The following CNTNAP2 variants were observed in gnomAD, a reference collection of about 807,000 sequenced individuals.
CNTNAP2 encodes the protein contactin associated protein 2, also known as contactin-associated protein-like 2.
Under a neutral mutation model 155.2 loss-of-function variants are expected in CNTNAP2, and 98 were observed. The ratio of observed to expected loss-of-function variants is 0.63; its 90% CI spans 0.54 to 0.75. The LOEUF is 0.75. Among genes scored for constraint, CNTNAP2 ranks in the 30% least tolerant of loss-of-function variants. CNTNAP2 has a pLI of 0.00. For synonymous variants in CNTNAP2, 651 were observed against 631.2 expected (o/e 1.03, Z -0.47); for missense variants, 1,727 against 1,688.1 (o/e 1.02, Z -0.40).
intron 13 of CNTNAP2, among the ~76,000 whole-genome samples, chr7:147,900,275 G>C (rs1182324988): frequency 3.9e-5 from 6 of 152,248 alleles, no homozygotes; most frequent in African/African-American, 1.2e-4. Flanking sequence ...GTAACCCCAT[G>C]TGTCAAGGGG....
At chr7:147,861,773 T>C (rs1004619624) in intron 13 of CNTNAP2, among the ~76,000 whole-genome samples, 2 of 152,048 alleles carry the variant, frequency 1.3e-5, no homozygotes, top group African/African-American at 4.8e-5. Flanking sequence ...CCCAGCACTT[T>C]GGGAGGCTGA....
At chr7:147,045,995 A>G (rs1584802475) in intron 4 of CNTNAP2, among the ~76,000 whole-genome samples, 1 of 152,202 alleles carries the variant, frequency 6.6e-6, no homozygotes, top group Non-Finnish European at 1.5e-5. Flanking sequence ...GCATTACCAC[A>G]GTAGATGAGA....
chr7:146,530,728 T>C (rs1451475460), intron 1 of CNTNAP2, among the ~76,000 whole-genome samples: 1 of 152,184 alleles, frequency 6.6e-6, no homozygotes, highest in Non-Finnish European at 1.5e-5. Flanking sequence ...AAATAACAGA[T>C]GCTGGTGAGG....
intron 2 of CNTNAP2, among the ~76,000 whole-genome samples, chr7:146,832,942 C>A (rs1384675334): frequency 6.6e-6 from 1 of 151,952 alleles, no homozygotes; most frequent in Admixed American, 6.6e-5. Context: ...GTGATCCACC[C>A]GCCTCGGCCT....
intron 1 of CNTNAP2, among the ~76,000 whole-genome samples, chr7:146,679,772 T>G (rs1800470087): frequency 6.6e-6 from 1 of 152,200 alleles, no homozygotes; most frequent in Admixed American, 6.5e-5. Context: ...TTCTTTTCTC[T>G]TTTGCCTGTA....
rs370895529 is a variant in CNTNAP2 at position 147,415,852 on chromosome 7, G to T, written c.1670+20072G>T. ...AACAAGTGTGAACTGATTCTACACC[G>T]GACAGGCCAAGGTGCATGGTCACCT... On this transcript the variant is annotated intron_variant, in intron 10 of 23. Coordinates refer to ENST00000361727, the MANE Select transcript of CNTNAP2 (RefSeq NM_014141.6). Among the ~76,000 whole-genome samples the T allele has an allele frequency of 1.3e-4, 20 of 152,210 alleles. No homozygotes were observed. In the South Asian group the frequency reaches 3.9e-3, roughly 30 times the overall value.
chr7:148,062,228 T>C (rs1315275821), intron 15 of CNTNAP2, among the ~76,000 whole-genome samples: 1 of 151,736 alleles, frequency 6.6e-6, no homozygotes. Flanking sequence ...AATATGCAAA[T>C]AATAATTAAA....
rs1798753799 is a variant in CNTNAP2, at chr7:148,365,984, A to ACATGTGTGTATGCATGTATG, written c.3476-17635_3476-17616dup. On this transcript the variant is annotated intron_variant, in intron 21 of 23. Coordinates refer to ENST00000361727, the MANE Select transcript of CNTNAP2 (RefSeq NM_014141.6). ...TGTATACATGTGTGTATGCATGTATACATGTGTGTATGCATGTATGCATGT... is the reference window on the plus strand; with the variant it reads ...TGTATACATGTGTGTATGCATGTATACATGTGTGTATGCATGTATGCATGTGTGTATGCATGTATGCATGT... Among the ~76,000 whole-genome samples, 2 of 1,994 alleles carry ACATGTGTGTATGCATGTATG rather than the reference A, an allele frequency of 1.0e-3. 1 individual carries two copies. Among genetic ancestry groups the ACATGTGTGTATGCATGTATG allele is most frequent in the African/African-American group, 1.2e-3 (2 of 1,640 alleles). 1.3% of individuals were successfully genotyped at this position (1,994 alleles called of 152,430 possible). A position where few individuals can be genotyped will look rare whatever the true frequency, so the allele number is the denominator to read the frequency against.
intron 22 of CNTNAP2, among the ~76,000 whole-genome samples, chr7:148,401,564 A>T (rs915409820): frequency 4.6e-5 from 7 of 152,066 alleles, no homozygotes; most frequent in African/African-American, 1.7e-4. Flanking sequence ...TGAAATACAA[A>T]ATCTGAGCAT....
At chr7:147,526,664 A>G (rs545173445) in intron 11 of CNTNAP2, among the ~76,000 whole-genome samples, 3 of 152,304 alleles carry the variant, frequency 2.0e-5, no homozygotes, top group African/African-American at 7.2e-5. Flanking sequence ...AACAGATTCT[A>G]AAATATATTT....
chr7:146,759,767 A>G (rs1585077266), intron 1 of CNTNAP2, among the ~76,000 whole-genome samples: 1 of 149,708 alleles, frequency 6.7e-6, no homozygotes, highest in South Asian at 2.1e-4. Flanking sequence ...TTATAAATGG[A>G]TGGGCATTAG....
At chr7:146,581,871 CT>C (rs995968684) in intron 1 of CNTNAP2, among the ~76,000 whole-genome samples, 1 of 151,746 alleles carries the variant, frequency 6.6e-6, no homozygotes, top group Non-Finnish European at 1.5e-5. Context: ...TTTGTCAATG[CT>C]TTTTTTTCTT....
intron 1 of CNTNAP2, among the ~76,000 whole-genome samples, chr7:146,532,072 T>C (rs1160571678): frequency 6.7e-6 from 1 of 150,114 alleles, no homozygotes; most frequent in Non-Finnish European, 1.5e-5. Context: ...TAGGGAAAAA[T>C]ATTTTTAAAA....
At chr7:147,413,469 T>C (rs13242678) in intron 10 of CNTNAP2, among the ~76,000 whole-genome samples, 26,647 of 152,158 alleles carry the variant, frequency 0.18, 2,952 homozygotes, top group Non-Finnish European at 0.25. Flanking sequence ...ATGGTAAACA[T>C]CTGTGCCAAG....
At chr7:148,190,109 A>G (rs1795181021) in intron 18 of CNTNAP2, 1 of 152,388 alleles carries the variant, frequency 6.6e-6, no homozygotes, top group African/African-American at 2.4e-5. Flanking sequence ...TTAAGCCAAC[A>G]GAATGTGGCA....
intron 9 of CNTNAP2, among the ~76,000 whole-genome samples, chr7:147,318,951 A>C (rs574298248): frequency 6.6e-6 from 1 of 152,314 alleles, no homozygotes; most frequent in South Asian, 2.1e-4. Context: ...GGTAGGAAAC[A>C]AACTAGATAA....
intron 3 of CNTNAP2, among the ~76,000 whole-genome samples, chr7:147,026,041 G>T (rs557427810): frequency 1.3e-5 from 2 of 152,092 alleles, no homozygotes; most frequent in East Asian, 1.9e-4. Flanking sequence ...TGCCTTTTTA[G>T]TAGAGACAGG....
chr7:147,643,054 T>C (rs567082235), intron 13 of CNTNAP2, among the ~76,000 whole-genome samples: 4 of 152,284 alleles, frequency 2.6e-5, no homozygotes, highest in Non-Finnish European at 5.9e-5. Flanking sequence ...TAGAGCTTGG[T>C]TGGGGCCTCA....
chr7:146,382,908 T>A (rs1490031297), intron 1 of CNTNAP2, among the ~76,000 whole-genome samples: 1 of 152,116 alleles, frequency 6.6e-6, no homozygotes, highest in Non-Finnish European at 1.5e-5. Context: ...AACGACTACA[T>A]AAAACCTTTG....
Sources: allele counts gnomAD v4.1 joint callset (sites outside exome capture counted in the v4.1 genomes callset), GRCh38; gene constraint gnomAD v4.1.1; transcripts MANE v1.5; gene names NCBI Gene and HGNC (gene_info 2026-07-23, HGNC 2026-07-21).